Variants in SDK1 observed in about 807,000 individuals in gnomAD.
SDK1 encodes sidekick cell adhesion molecule 1.
Under a neutral mutation model 245.5 loss-of-function variants are expected in SDK1, and 157 were observed. That is an observed-to-expected ratio of 0.64 (90% confidence interval 0.56 to 0.73). SDK1 has a LOEUF of 0.73. Ranked by LOEUF, SDK1 falls within the 30% of genes least tolerant of loss-of-function variation. The pLI, the probability that SDK1 is intolerant of heterozygous loss-of-function variation, is 0.00. For missense variants in SDK1, 3,583 were observed against 3,002.3 expected (o/e 1.19, Z -4.52); for synonymous variants, 1,647 against 1,278.5 (o/e 1.29, Z -6.15).
intron 1 of SDK1, among the ~76,000 whole-genome samples, chr7:3,459,366 T>C (rs1201662195): frequency 6.6e-6 from 1 of 152,174 alleles, no homozygotes; most frequent in Non-Finnish European, 1.5e-5. Context: ...CACAAATCGT[T>C]TGCTGTTTAT....
At chr7:3,575,802 A>T (rs1780268067) in intron 1 of SDK1, among the ~76,000 whole-genome samples, 1 of 151,988 alleles carries the variant, frequency 6.6e-6, no homozygotes, top group Non-Finnish European at 1.5e-5. Flanking sequence ...GAAACGCAAA[A>T]CACAATAGCG....
intron 1 of SDK1, among the ~76,000 whole-genome samples, chr7:3,389,136 G>C (rs1170902498): frequency 6.6e-6 from 1 of 152,054 alleles, no homozygotes; most frequent in Non-Finnish European, 1.5e-5. Context: ...AGGAGTGGGG[G>C]GAGAATAGCA....
chr7:3,548,552 A>G (rs1304399639), intron 1 of SDK1, among the ~76,000 whole-genome samples: 4 of 152,222 alleles, frequency 2.6e-5, no homozygotes, highest in Admixed American at 1.3e-4. Flanking sequence ...TAATGTCTAC[A>G]TTGGTAAGTG....
chr7:3,481,978 AAGC>A (rs1163958467), intron 1 of SDK1, among the ~76,000 whole-genome samples: 1 of 152,058 alleles, frequency 6.6e-6, no homozygotes, highest in African/African-American at 2.4e-5. Flanking sequence ...TCACATCAAA[AAGC>A]AAAGCTTGAA....
At chr7:4,197,310 A>T (rs1038119459) in intron 35 of SDK1, among the ~76,000 whole-genome samples, 2 of 150,530 alleles carry the variant, frequency 1.3e-5, no homozygotes, top group African/African-American at 4.9e-5. Context: ...AAAAAAAAAG[A>T]AAAAGAAAAG....
At chr7:4,250,396 T>A (rs1583175980) in intron 44 of SDK1, among the ~76,000 whole-genome samples, 8 of 151,872 alleles carry the variant, frequency 5.3e-5, no homozygotes. Flanking sequence ...CAGGCTGGAG[T>A]GCAGTGGCAT....
chr7:3,580,994 AC>A lies in SDK1; in HGVS notation c.299-38084del, dbSNP rs71029681. Among the ~76,000 whole-genome samples, 387 of 107,182 alleles carry A rather than the reference AC, an allele frequency of 3.6e-3. 43 individuals carry two copies. Among genetic ancestry groups the A allele is most frequent in the African/African-American group, 5.6e-3 (160 of 28,464 alleles). The allele number at this position is 107,182 out of a possible 152,430, so 70.3% of individuals were successfully genotyped here. A position where few individuals can be genotyped will look rare whatever the true frequency, so the allele number is the denominator to read the frequency against. On this transcript the variant is annotated intron_variant, in intron 1 of 44. Coordinates refer to ENST00000404826, the MANE Select transcript of SDK1 (RefSeq NM_152744.4). The stretch of plus-strand genomic sequence containing the variant: ...AAAAAAAAAAAAAAAAAAAAAAAAA[AC>A]CAAAACAAAACCCTGGAAGACAATC...
chr7:3,685,558 A>C (rs187425185), intron 4 of SDK1, among the ~76,000 whole-genome samples: 18 of 152,328 alleles, frequency 1.2e-4, no homozygotes, highest in Admixed American at 3.3e-4. Flanking sequence ...TATAATACAC[A>C]ATCAAACTTC....
At chr7:4,004,708 T>C (rs2128145853) in intron 14 of SDK1, among the ~76,000 whole-genome samples, 1 of 152,324 alleles carries the variant, frequency 6.6e-6, no homozygotes, top group East Asian at 1.9e-4. Context: ...AGAAATTATG[T>C]CAATTCATCC....
At chr7:3,361,660 C>T (rs888689384) in intron 1 of SDK1, among the ~76,000 whole-genome samples, 1 of 152,200 alleles carries the variant, frequency 6.6e-6, no homozygotes, top group South Asian at 2.1e-4. Flanking sequence ...ATCAATTACC[C>T]TATGGCTGCC....
At chr7:3,993,287 C>A (rs1325421141) in intron 14 of SDK1, among the ~76,000 whole-genome samples, 1 of 152,136 alleles carries the variant, frequency 6.6e-6, no homozygotes, top group Non-Finnish European at 1.5e-5. Context: ...ACAAAGGCGT[C>A]CCATGGCTGA....
intron 1 of SDK1, among the ~76,000 whole-genome samples, chr7:3,354,644 C>T (rs990253099): frequency 1.3e-5 from 2 of 152,108 alleles, no homozygotes; most frequent in Admixed American, 1.3e-4. Flanking sequence ...TTTATTAAAT[C>T]ACAGAAGTTA....
intron 35 of SDK1, among the ~76,000 whole-genome samples, chr7:4,203,138 G>A (rs116547161): frequency 2.7e-4 from 41 of 152,326 alleles, no homozygotes; most frequent in African/African-American, 9.4e-4. Flanking sequence ...AGGAGGCCAC[G>A]CCATAACCCG....
intron 1 of SDK1, among the ~76,000 whole-genome samples, chr7:3,598,871 CGTGGGCTGTATTT>C (rs778510530): frequency 3.1e-4 from 47 of 151,876 alleles, no homozygotes; most frequent in Admixed American, 6.5e-4. Flanking sequence ...TTTTGAAGGA[CGTGGGCTGTATTT>C]AGCTTTTGGC....
chr7:3,854,358 A>G (rs1167074309), intron 5 of SDK1, among the ~76,000 whole-genome samples: 1 of 152,214 alleles, frequency 6.6e-6, no homozygotes, highest in African/African-American at 2.4e-5. Context: ...CATACCTTAT[A>G]GAGTATGTGT....
chr7:3,390,095 T>G (rs1781710338), intron 1 of SDK1, among the ~76,000 whole-genome samples: 1 of 152,110 alleles, frequency 6.6e-6, no homozygotes, highest in South Asian at 2.1e-4. Flanking sequence ...GTTGGCTATT[T>G]AGGAGGAGAT....
chr7:3,767,687 G>A (rs1221087705), intron 4 of SDK1, among the ~76,000 whole-genome samples: 4 of 152,136 alleles, frequency 2.6e-5, no homozygotes, highest in Non-Finnish European at 4.4e-5. Context: ...ATGAGGTAAT[G>A]TAGTTAGGAG....
chr7:3,322,487 A>G lies in SDK1; in HGVS notation c.298+20603A>G, dbSNP rs112420762. ...ACCTGTTTTCTCTTCTTTTTGGTAT[A>G]TGCCTAGAAGTTGCATTACTGGGTC... On this transcript the variant is annotated intron_variant, in intron 1 of 44. Transcript: ENST00000404826. Among the ~76,000 whole-genome samples, 51 of 152,190 alleles carry G rather than the reference A, an allele frequency of 3.4e-4. 3 individuals carry two copies. Among genetic ancestry groups the G allele is most frequent in the African/African-American group, 9.4e-4 (39 of 41,522 alleles).
intron 4 of SDK1, among the ~76,000 whole-genome samples, chr7:3,660,280 C>G (rs1362363162): frequency 1.3e-4 from 19 of 151,674 alleles, no homozygotes; most frequent in Non-Finnish European, 2.6e-4. Flanking sequence ...GATGGGGTAG[C>G]CAGGAGGGCC....
Sources: gnomAD v4.1 joint callset for allele counts (sites outside exome capture counted in the v4.1 genomes callset) on GRCh38, gnomAD v4.1.1 for gene constraint, MANE v1.5 for transcripts, NCBI Gene and HGNC (gene_info 2026-07-23, HGNC 2026-07-21) for gene names.